The following DYNC1I1 variants were observed in gnomAD, a reference collection of about 807,000 sequenced individuals.
DYNC1I1 encodes cytoplasmic dynein 1 intermediate chain 1.
In DYNC1I1, 43 loss-of-function variants were observed where a neutral mutation model predicts 86.6. That is an observed-to-expected ratio of 0.50 (90% CI 0.39 to 0.64). The LOEUF is 0.64. Among genes scored for constraint, DYNC1I1 ranks in the 30% least tolerant of loss-of-function variants. DYNC1I1 has a pLI of 0.00. For missense variants in DYNC1I1, 604 were observed against 788.8 expected (o/e 0.77, Z 2.81); for synonymous variants, 262 against 283.7 (o/e 0.92, Z 0.77).
At chr7:95,793,892 A>G (rs1381454388) in intron 1 of DYNC1I1, among the ~76,000 whole-genome samples, 4 of 152,334 alleles carry the variant, frequency 2.6e-5, no homozygotes, top group South Asian at 2.1e-4. Flanking sequence ...GTGATGCTCT[A>G]TGGAGGATCC....
rs764090165 is a variant in DYNC1I1 at position 96,035,653 on chromosome 7, C to G, written c.1265C>G (p.Pro422Arg). 1.9e-6 allele frequency: 3 copies of G among 1,611,070 alleles called. No individual in the cohort carries two copies. Among genetic ancestry groups the G allele is most frequent in the Non-Finnish European group, 2.5e-6 (3 of 1,178,786 alleles). ...SMELVYNKSK[P>R]VAVTGMAFPT... Reference sequence around the variant, plus strand: ...GAGCTGGTGTACAATAAGTCCAAGCCTGTCGCTGTTACCGGAATGGCTTTC... The same window carrying G: ...GAGCTGGTGTACAATAAGTCCAAGCGTGTCGCTGTTACCGGAATGGCTTTC... The change falls in exon 13 of 17, where the codon CCT becomes CGT. Residue 422 changes from proline to arginine, a missense_variant. Physicochemically the swap from Pro to Arg is moderately radical, Grantham distance 103. Coordinates refer to ENST00000447467, the MANE Select transcript of DYNC1I1 (RefSeq NM_001135556.2).
chr7:95,850,592 A>G (rs992119327), intron 5 of DYNC1I1, among the ~76,000 whole-genome samples: 1 of 152,230 alleles, frequency 6.6e-6, no homozygotes, highest in Non-Finnish European at 1.5e-5. Flanking sequence ...GTTTCTGTTC[A>G]TGTTTGCCTG....
chr7:95,890,418 G>A (rs1345157099), intron 6 of DYNC1I1, among the ~76,000 whole-genome samples: 3 of 152,036 alleles, frequency 2.0e-5, no homozygotes, highest in South Asian at 2.1e-4. Flanking sequence ...CAGATACTGG[G>A]GCCTCCTTGA....
chr7:95,775,441 T>G (rs771131980), intron 1 of DYNC1I1, among the ~76,000 whole-genome samples: 1 of 152,198 alleles, frequency 6.6e-6, no homozygotes, highest in Non-Finnish European at 1.5e-5. Context: ...TCAAATGAGA[T>G]CTCTCCAAAG....
chr7:96,048,814 G>A (rs995248934), intron 14 of DYNC1I1, among the ~76,000 whole-genome samples: 2 of 152,102 alleles, frequency 1.3e-5, no homozygotes, highest in Non-Finnish European at 2.9e-5. Flanking sequence ...AGGTTTGTAC[G>A]GTGAATGTAT....
At chr7:95,984,629 C>T (rs1793537890) in intron 7 of DYNC1I1, among the ~76,000 whole-genome samples, 186 bp from the exon 8 acceptor site, 1 of 152,108 alleles carries the variant, frequency 6.6e-6, no homozygotes, top group Non-Finnish European at 1.5e-5. Flanking sequence ...GTGGGGACAT[C>T]TGCAGAAGCC....
At chr7:95,843,208 C>T (rs1288516523) in intron 5 of DYNC1I1, among the ~76,000 whole-genome samples, 1 of 152,202 alleles carries the variant, frequency 6.6e-6, no homozygotes, top group Non-Finnish European at 1.5e-5. Flanking sequence ...TCCTTGGCCT[C>T]AGGTAGTTTC....
At position 95,806,213 on chromosome 7, in the gene DYNC1I1, T is replaced by C. The variant is rs533072087; in HGVS notation, c.108+1376T>C. Among the ~76,000 whole-genome samples the C allele has an allele frequency of 7.2e-5, 11 of 152,348 alleles. No homozygotes were observed. In the East Asian group the frequency reaches 2.1e-3, roughly 29 times the overall value. On this transcript the variant is annotated intron_variant, in intron 2 of 16. Coordinates refer to ENST00000447467, the MANE Select transcript of DYNC1I1 (RefSeq NM_001135556.2). The stretch of plus-strand genomic sequence containing the variant: ...ACACTTACTGTAGTTTTAAAGCACC[T>C]GCTATCCTTTACTAATAACCAGTTT...
intron 9 of DYNC1I1, among the ~76,000 whole-genome samples, chr7:95,992,396 G>T (rs965921216): frequency 6.6e-6 from 1 of 152,102 alleles, no homozygotes; most frequent in East Asian, 1.9e-4. Flanking sequence ...AAAGGAGAAG[G>T]CTTTTGAAGC....
chr7:95,968,590 C>T (rs1389456200), intron 6 of DYNC1I1, among the ~76,000 whole-genome samples: 2 of 152,158 alleles, frequency 1.3e-5, no homozygotes, highest in Non-Finnish European at 2.9e-5. Context: ...AATATCATGA[C>T]ATCTCTATCT....
rs531905887 is a variant in DYNC1I1 at position 95,909,097 on chromosome 7, G to A, written c.490+39099G>A. Among the ~76,000 whole-genome samples, 30 of 149,106 alleles carry A rather than the reference G, an allele frequency of 2.0e-4. No homozygotes were observed. The East Asian group carries it at 5.8e-3, about 29-fold the overall frequency. On this transcript the variant is annotated intron_variant, in intron 6 of 16. Transcript: ENST00000447467. ...GATGAAATACCAAAGAGAGACTTGG[G>A]ATAAAGACAGTTCTAATTGAAAGGG...
intron 7 of DYNC1I1, among the ~76,000 whole-genome samples, chr7:95,984,297 C>G (rs574278972): frequency 6.6e-6 from 1 of 152,168 alleles, no homozygotes; most frequent in South Asian, 2.1e-4. Flanking sequence ...ATTTATATAA[C>G]AATCAGTCAG....
At chr7:95,962,714 C>T (rs1792903605) in intron 6 of DYNC1I1, among the ~76,000 whole-genome samples, 1 of 152,118 alleles carries the variant, frequency 6.6e-6, no homozygotes, top group South Asian at 2.1e-4. Context: ...CTTAAAGAAG[C>T]TGAAGAACTT....
At chr7:96,100,958 G>A (rs1278316159), downstream of DYNC1I1, among the ~76,000 whole-genome samples, 5 of 152,202 alleles carry the variant, frequency 3.3e-5, no homozygotes, top group Non-Finnish European at 7.3e-5. Flanking sequence ...GCTGGTGAGA[G>A]AGGCATTAGC....
chr7:96,003,268 T>G (rs1294229006), intron 10 of DYNC1I1, among the ~76,000 whole-genome samples: 1 of 152,220 alleles, frequency 6.6e-6, no homozygotes, highest in Non-Finnish European at 1.5e-5. Context: ...CTACTCACAC[T>G]GATGGCCCCA....
chr7:95,977,625 G>C, intron 7 of DYNC1I1, 24 bp downstream of exon 7: 10 of 1,592,162 alleles, frequency 6.3e-6, no homozygotes, highest in Admixed American at 1.7e-5. Flanking sequence ...AATAAACTGA[G>C]TAATCATTTT....
chr7:95,906,286 A>T (rs1254150302), intron 6 of DYNC1I1, among the ~76,000 whole-genome samples: 1 of 152,162 alleles, frequency 6.6e-6, no homozygotes, highest in Non-Finnish European at 1.5e-5. Flanking sequence ...AAGTTACTTA[A>T]TCCCCTTGAG....
intron 1 of DYNC1I1, among the ~76,000 whole-genome samples, chr7:95,774,322 A>C (rs1185253776): frequency 7.4e-6 from 1 of 134,242 alleles, no homozygotes; most frequent in Non-Finnish European, 1.7e-5. Flanking sequence ...ATACAAATGC[A>C]CTTGCTTCCT....
intron 2 of DYNC1I1, among the ~76,000 whole-genome samples, chr7:95,809,988 C>G (rs1359036077): frequency 1.3e-5 from 2 of 152,102 alleles, no homozygotes; most frequent in Non-Finnish European, 2.9e-5. Flanking sequence ...CTGGTTTGCA[C>G]AATCCCAAAC....
Sources: allele counts gnomAD v4.1 joint callset (sites outside exome capture counted in the v4.1 genomes callset), GRCh38; gene constraint gnomAD v4.1.1; transcripts MANE v1.5; gene names NCBI Gene and HGNC (gene_info 2026-07-23, HGNC 2026-07-21).